SSH2: variants seen among roughly 807,000 people sequenced by gnomAD.
The protein encoded by SSH2 is slingshot protein phosphatase 2, also known as protein phosphatase Slingshot homolog 2.
In SSH2, 37 loss-of-function variants were observed where a neutral mutation model predicts 135.2. That is an observed-to-expected ratio of 0.27 (90% CI 0.21 to 0.36). SSH2 has a LOEUF of 0.36. Among genes scored for constraint, SSH2 ranks in the 10% least tolerant of loss-of-function variants. The pLI, the probability that SSH2 is intolerant of heterozygous loss-of-function variation, is 1.00. For missense variants in SSH2, 1,408 were observed against 1,765.3 expected, an observed-to-expected ratio of 0.80 and a Z score of 3.63; for synonymous variants, 628 against 646.2, an observed-to-expected ratio of 0.97 and a Z score of 0.43.
At chr17:29,716,302 C>A in intron 3 of SSH2, 1 of 435,118 alleles carries the variant, frequency 2.3e-6, no homozygotes, top group South Asian at 2.2e-5. Context: ...GTACCTTTCT[C>A]TTTGGCTTCT....
At chr17:29,848,983 C>G in intron 1 of SSH2, 54 bp from the exon 2 acceptor site, 2 of 1,254,056 alleles carry the variant, frequency 1.6e-6, no homozygotes, top group South Asian at 1.3e-5. Context: ...CCCATAAGCA[C>G]GAGGGGAAAA....
At chr17:29,802,455 C>T (rs746398234) in intron 2 of SSH2, among the ~76,000 whole-genome samples, 14 of 151,544 alleles carry the variant, frequency 9.2e-5, no homozygotes, top group African/African-American at 1.2e-4. Flanking sequence ...ATTTTTTGGC[C>T]GGGCTTGAAC....
At position 29,923,972 on chromosome 17, in the gene SSH2, C is replaced by T. The variant is rs140057661; in HGVS notation, c.63+5966G>A. Among the ~76,000 whole-genome samples the T allele has an allele frequency of 1.1e-3, 164 of 152,258 alleles. 1 individual carries two copies. The highest frequency in any genetic ancestry group is 3.8e-3 in the African/African-American group (158 of 41,542). On this transcript the variant is annotated intron_variant, in intron 1 of 15. Transcript: ENST00000540801. ...CAGTGATTTAAATGATATGGCAATA[C>T]ATCTGTGATAGACACCAAACTTCTA...
chr17:29,716,698 A>C (rs1042564300), intron 3 of SSH2: 3 of 615,656 alleles, frequency 4.9e-6, no homozygotes, highest in African/African-American at 3.7e-5. Flanking sequence ...TTGGTGAATT[A>C]CTGGAAGATG....
chr17:29,733,274 G>A (rs897403550), intron 3 of SSH2, among the ~76,000 whole-genome samples: 17 of 152,218 alleles, frequency 1.1e-4, no homozygotes, highest in African/African-American at 4.1e-4. Flanking sequence ...AAGTGAGTCA[G>A]GCACAATAGG....
chr17:29,836,000 CT>C (rs1315157620), intron 2 of SSH2, among the ~76,000 whole-genome samples: 1 of 148,596 alleles, frequency 6.7e-6, no homozygotes, highest in East Asian at 2.0e-4. Context: ...AGACAGGTTT[CT>C]TTTGAAAGAA....
intron 8 of SSH2, chr17:29,673,912 T>G (rs879455331): frequency 1.0e-4 from 34 of 326,002 alleles, no homozygotes; most frequent in Middle Eastern, 4.8e-4. Flanking sequence ...TTACTAATTC[T>G]ATTTTTCAAT....
At chr17:29,866,697 C>A (rs2065860752) in intron 1 of SSH2, among the ~76,000 whole-genome samples, 1 of 152,138 alleles carries the variant, frequency 6.6e-6, no homozygotes. Context: ...CTGAGGAGAA[C>A]TGAAATGGAA....
chr17:29,671,703 A>T (rs1309766148), intron 9 of SSH2, among the ~76,000 whole-genome samples: 1 of 152,218 alleles, frequency 6.6e-6, no homozygotes, highest in Non-Finnish European at 1.5e-5. Context: ...ATCGTATTGA[A>T]GTTTTTGACT....
chr17:29,726,119 C>G (rs2039995804), intron 3 of SSH2, among the ~76,000 whole-genome samples: 1 of 152,262 alleles, frequency 6.6e-6, no homozygotes, highest in East Asian at 1.9e-4. Flanking sequence ...AACAAACACA[C>G]TAACCGCCCT....
At chr17:29,842,087 A>T (rs1280922383) in intron 2 of SSH2, among the ~76,000 whole-genome samples, 3 of 151,642 alleles carry the variant, frequency 2.0e-5, no homozygotes, top group African/African-American at 4.9e-5. Flanking sequence ...GGAAGCATTT[A>T]AAAAAATACC....
chr17:29,761,840 CATATGT>C (rs1280344508), intron 3 of SSH2, among the ~76,000 whole-genome samples: 12 of 133,872 alleles, frequency 9.0e-5, no homozygotes, highest in East Asian at 6.2e-4. Context: ...CACTCACATA[CATATGT>C]GTGTGTGTGT....
intron 3 of SSH2, among the ~76,000 whole-genome samples, chr17:29,790,573 T>G (rs758748649): frequency 5.3e-5 from 8 of 152,214 alleles, no homozygotes; most frequent in Non-Finnish European, 1.0e-4. Flanking sequence ...TGCAAATATT[T>G]TCTTCTGTTC....
At chr17:29,814,949 C>CTTTTTTTTT (rs1027393693) in intron 2 of SSH2, among the ~76,000 whole-genome samples, 2 of 132,360 alleles carry the variant, frequency 1.5e-5, no homozygotes, top group Non-Finnish European at 1.6e-5. Flanking sequence ...CCTTTTCTTT[C>CTTTTTTTTT]TTTTTTTTTT....
At chr17:29,679,591 AG>A (rs1410698200) in intron 6 of SSH2, among the ~76,000 whole-genome samples, 3 of 151,970 alleles carry the variant, frequency 2.0e-5, no homozygotes, top group Non-Finnish European at 1.5e-5. Context: ...TTTTTAGTAG[AG>A]ATGGGGTTTC....
intron 2 of SSH2, among the ~76,000 whole-genome samples, chr17:29,817,788 G>A (rs2042583921): frequency 1.3e-5 from 2 of 151,992 alleles, no homozygotes; most frequent in East Asian, 1.9e-4. Flanking sequence ...TAGGGGTCTC[G>A]TTCTTGTTGA....
At chr17:29,869,894 G>A (rs2065911641) in intron 1 of SSH2, among the ~76,000 whole-genome samples, 1 of 152,046 alleles carries the variant, frequency 6.6e-6, no homozygotes, top group Non-Finnish European at 1.5e-5. Flanking sequence ...CTAAATCATA[G>A]GTGTTTATGA....
In SSH2 at chr17:29,709,015, T is replaced by TATAGAG. The variant is rs780981175; in HGVS notation, c.189-5954_189-5953insCTCTAT. Among the ~76,000 whole-genome samples the TATAGAG allele has an allele frequency of 2.3e-3, 184 of 81,580 alleles. 2 individuals carry two copies. Among genetic ancestry groups the TATAGAG allele is most frequent in the East Asian group, 6.4e-3 (14 of 2,204 alleles). 53.5% of individuals were successfully genotyped at this position (81,580 alleles called of 152,430 possible). ...AGAAATATATATATATATATATATA[T>TATAGAG]AGAGAGAGAGAGAGAGAGAGAGAGA... is the stretch of plus-strand genomic sequence containing the variant. On this transcript the variant is annotated intron_variant, in intron 3 of 15. Transcript: ENST00000540801.
chr17:29,748,941 G>A (rs1466972836), intron 3 of SSH2, among the ~76,000 whole-genome samples: 2 of 152,048 alleles, frequency 1.3e-5, no homozygotes, highest in African/African-American at 2.4e-5. Context: ...AATGAATAAC[G>A]CAAAAAGGGT....
Sources: gnomAD v4.1 joint callset for allele counts (sites outside exome capture counted in the v4.1 genomes callset) on GRCh38, gnomAD v4.1.1 for gene constraint, MANE v1.5 for transcripts, NCBI Gene and HGNC (gene_info 2026-07-23, HGNC 2026-07-21) for gene names.